The following EDA variants were observed in gnomAD, a reference collection of about 807,000 sequenced individuals.
The protein encoded by EDA is ectodysplasin-A.
In EDA, 2 loss-of-function variants were observed where a neutral mutation model predicts 23.6. The ratio of observed to expected loss-of-function variants is 0.08; its 90% CI spans 0.03 to 0.27. The LOEUF (loss-of-function observed/expected upper bound fraction) is 0.27, where lower values mean the gene tolerates loss of function less well. EDA is among the 10% of genes least tolerant of loss of function. EDA has a pLI of 1.00. For synonymous variants in EDA, 131 were observed against 132.0 expected (o/e 0.99, Z 0.05); for missense variants, 229 against 324.2 (o/e 0.71, Z 2.26).
In EDA at chrX:69,923,958, T is replaced by G. The variant is rs766427303; in HGVS notation, c.397-33069T>G. The stretch of plus-strand genomic sequence containing the variant: ...CTTTTTTTCATATGTTTGTTGGCTA[T>G]GTAAATGTCTTCTTTTGAGAATTGT... On this transcript the variant is annotated intron_variant, in intron 1 of 7. Coordinates refer to ENST00000374552, the MANE Select transcript of EDA (RefSeq NM_001399.5). Among the ~76,000 whole-genome samples the G allele has an allele frequency of 2.7e-5, 3 of 111,958 alleles. No individual in the cohort carries two copies. The South Asian group carries it at 1.1e-3, about 42-fold the overall frequency.
chrX:69,758,959 C>G (rs1456009537), intron 1 of EDA, among the ~76,000 whole-genome samples: 1 of 112,257 alleles, frequency 8.9e-6, no homozygotes, highest in Admixed American at 9.4e-5. Flanking sequence ...ATATCTGATT[C>G]CTGGTTCCAC....
intron 1 of EDA, among the ~76,000 whole-genome samples, chrX:69,727,510 C>A (rs2012854131): frequency 8.9e-6 from 1 of 112,159 alleles, no homozygotes; most frequent in African/African-American, 3.2e-5. Context: ...GAATGGAAAT[C>A]TCTGGGGTCT....
intron 1 of EDA, among the ~76,000 whole-genome samples, chrX:69,770,440 G>T (rs985350215): frequency 2.7e-5 from 3 of 111,964 alleles, no homozygotes; most frequent in African/African-American, 9.7e-5. Context: ...AGATAGGTGT[G>T]CAGTGATATC....
At chrX:70,027,607 G>A (rs895200427) in intron 3 of EDA, among the ~76,000 whole-genome samples, 2 of 111,187 alleles carry the variant, frequency 1.8e-5, no homozygotes, top group African/African-American at 3.3e-5. Flanking sequence ...CAGATCACCC[G>A]AAGTCAGGAG....
intron 2 of EDA, among the ~76,000 whole-genome samples, chrX:70,002,671 A>G (rs1389480634): frequency 1.8e-5 from 2 of 112,493 alleles, no homozygotes; most frequent in East Asian, 5.6e-4. Flanking sequence ...TCTGCCACTT[A>G]CTAGCTGTGT....
chrX:69,731,955 CT>C (rs907536773), intron 1 of EDA, among the ~76,000 whole-genome samples: 11 of 110,011 alleles, frequency 1.0e-4, no homozygotes, highest in East Asian at 2.8e-4. Context: ...TTTATTGAAA[CT>C]TTTTTTTTAT....
At chrX:69,894,661 TG>T (rs774139500) in intron 1 of EDA, among the ~76,000 whole-genome samples, 1 of 111,499 alleles carries the variant, frequency 9.0e-6, no homozygotes, top group South Asian at 3.8e-4. Flanking sequence ...TTATCTTTTT[TG>T]TGGCTATTGT....
intron 1 of EDA, among the ~76,000 whole-genome samples, chrX:69,737,559 A>G (rs2013308179): frequency 8.9e-6 from 1 of 112,216 alleles, no homozygotes; most frequent in East Asian, 2.8e-4. Flanking sequence ...ACTTTTACAT[A>G]TACTATAAAC....
intron 1 of EDA, among the ~76,000 whole-genome samples, chrX:69,664,744 C>A (rs1933624382): frequency 9.0e-6 from 1 of 111,261 alleles, no homozygotes; most frequent in Non-Finnish European, 1.9e-5. Context: ...TAAGTTGTTT[C>A]CATATCTTGG....
chrX:69,807,308 C>T (rs2015837055), intron 1 of EDA, among the ~76,000 whole-genome samples: 1 of 104,587 alleles, frequency 9.6e-6, no homozygotes, highest in African/African-American at 3.5e-5. Context: ...AAAATAATGC[C>T]ATATCTGGGT....
At chrX:69,690,095 A>G (rs2804317) in intron 1 of EDA, among the ~76,000 whole-genome samples, 35,503 of 110,185 alleles carry the variant, frequency 0.32, 5,049 homozygotes, top group Middle Eastern at 0.57. Context: ...TTTGCTCTAT[A>G]TAATATTATG....
At chrX:69,770,677 T>C (rs753516236) in intron 1 of EDA, among the ~76,000 whole-genome samples, 95 of 111,660 alleles carry the variant, frequency 8.5e-4, no homozygotes, top group Non-Finnish European at 1.6e-3. Flanking sequence ...GTGTAGCTTG[T>C]CTTTTCATCC....
chrX:70,012,719 T>A (rs144392005), intron 2 of EDA, among the ~76,000 whole-genome samples: 1,559 of 112,708 alleles, frequency 0.014, 28 homozygotes, highest in African/African-American at 0.048. Flanking sequence ...AAGAAGACTT[T>A]GTGAGCCCCG....
At chrX:69,844,328 A>T in intron 1 of EDA, among the ~76,000 whole-genome samples, 1 of 112,467 alleles carries the variant, frequency 8.9e-6, no homozygotes. Context: ...TGAATAATCC[A>T]AATAGACTTT....
Position 70,033,417 on chromosome X carries a change from C to T in EDA, c.813C>T (p.Leu271=). 5 of 1,212,083 alleles carry T rather than the reference C, an allele frequency of 4.1e-6. No individual in the cohort carries two copies. Among genetic ancestry groups the T allele is most frequent in the Non-Finnish European group, 5.6e-6 (5 of 895,520 alleles). Residue 271 remains leucine, a synonymous_variant, in exon 7 of 8, where the codon CTC becomes CTT. Coordinates refer to ENST00000374552, the MANE Select transcript of EDA (RefSeq NM_001399.5). ...QVKNDLSGGV[L]NDWSRITMNP... ...ACTGAGATCTTTCAGGTGGAGTGCT[C>T]AATGACTGGTCTCGCATCACTATGA...
intron 1 of EDA, among the ~76,000 whole-genome samples, chrX:69,757,728 G>C (rs948085686): frequency 2.7e-5 from 3 of 111,873 alleles, no homozygotes; most frequent in Non-Finnish European, 5.6e-5. Flanking sequence ...GTGTCAAGAC[G>C]TCATTTTAAT....
At chrX:69,867,352 T>C (rs1471660083) in intron 1 of EDA, among the ~76,000 whole-genome samples, 1 of 112,007 alleles carries the variant, frequency 8.9e-6, no homozygotes, top group Non-Finnish European at 1.9e-5. Flanking sequence ...TTGGTGAGCA[T>C]TCACATGGGA....
chrX:69,784,914 C>T (rs2147455222), intron 1 of EDA, among the ~76,000 whole-genome samples: 1 of 111,274 alleles, frequency 9.0e-6, no homozygotes, highest in South Asian at 3.8e-4. Context: ...TTGATTCTTC[C>T]TACCCATGAG....
intron 1 of EDA, among the ~76,000 whole-genome samples, chrX:69,692,578 A>G (rs1411837262): frequency 2.7e-5 from 3 of 111,926 alleles, no homozygotes. Flanking sequence ...TTCAATTTCC[A>G]TGGATGTGGG....
Sources: gnomAD v4.1 joint callset for allele counts (sites outside exome capture counted in the v4.1 genomes callset) on GRCh38, gnomAD v4.1.1 for gene constraint, MANE v1.5 for transcripts, NCBI Gene and HGNC (gene_info 2026-07-23, HGNC 2026-07-21) for gene names.